The following ZBTB34 variants were observed in gnomAD, a reference collection of about 807,000 sequenced individuals.
The protein encoded by ZBTB34 is zinc finger and BTB domain containing 34.
In ZBTB34, 1 loss-of-function variant was observed where a neutral mutation model predicts 33.4. The ratio of observed to expected loss-of-function variants is 0.03; its 90% CI spans 0.01 to 0.14. The LOEUF (loss-of-function observed/expected upper bound fraction) is 0.14, where lower values mean the gene tolerates loss of function less well. ZBTB34 is among the 10% of genes least tolerant of loss of function. The pLI is 1.00. For synonymous variants in ZBTB34, 283 were observed against 253.5 expected (o/e 1.12, Z -1.11); for missense variants, 406 against 657.2 (o/e 0.62, Z 4.18).
intron 1 of ZBTB34, among the ~76,000 whole-genome samples, chr9:126,875,536 T>A (rs916276249): frequency 7.2e-5 from 11 of 152,158 alleles, no homozygotes; most frequent in Non-Finnish European, 1.6e-4. Context: ...TGTATTTTTC[T>A]TGTTGACCCT....
intron 1 of ZBTB34, among the ~76,000 whole-genome samples, chr9:126,872,584 G>A (rs763847518): frequency 2.0e-5 from 3 of 152,136 alleles, no homozygotes; most frequent in Non-Finnish European, 4.4e-5. Flanking sequence ...TACGTAAGAG[G>A]CTCTGACCTC....
intron 1 of ZBTB34, among the ~76,000 whole-genome samples, chr9:126,865,005 T>A (rs1215082648): frequency 1.3e-5 from 2 of 152,210 alleles, no homozygotes; most frequent in Non-Finnish European, 2.9e-5. Context: ...GGGTTTGGAA[T>A]CATGAGCATC....
chr9:126,871,669 G>A (rs1055208411), intron 1 of ZBTB34, among the ~76,000 whole-genome samples: 3 of 152,084 alleles, frequency 2.0e-5, no homozygotes, highest in Non-Finnish European at 4.4e-5. Context: ...AACAGTTTAT[G>A]CTGATAGATG....
chr9:126,870,359 T>A (rs1470264685), intron 1 of ZBTB34, among the ~76,000 whole-genome samples: 1 of 152,244 alleles, frequency 6.6e-6, no homozygotes, highest in Non-Finnish European at 1.5e-5. Flanking sequence ...GAATTCCCTT[T>A]GGTTTTCTGT....
At chr9:126,876,166 C>CCCCCCTTT in intron 1 of ZBTB34, among the ~76,000 whole-genome samples, 1 of 316 alleles carries the variant, frequency 3.2e-3, no homozygotes, top group African/African-American at 0.015. Flanking sequence ...TTCCGTCCTT[C>CCCCCCTTT]CCCCCTTCCC....
At chr9:126,875,531 T>C (rs1283749559) in intron 1 of ZBTB34, among the ~76,000 whole-genome samples, 2 of 152,250 alleles carry the variant, frequency 1.3e-5, no homozygotes, top group Non-Finnish European at 2.9e-5. Flanking sequence ...TGAGTTGTAT[T>C]TTTCTTGTTG....
exon 2 of ZBTB34, chr9:126,883,947 G>A (rs2119241715): frequency 6.0e-6 from 1 of 167,198 alleles, no homozygotes; most frequent in Middle Eastern, 3.4e-3. Context: ...TCTCCCTGAA[G>A]TTCACTTCAC....
intron 1 of ZBTB34, among the ~76,000 whole-genome samples, chr9:126,877,078 C>A (rs1003733451): frequency 1.6e-4 from 24 of 152,066 alleles, no homozygotes; most frequent in African/African-American, 5.3e-4. Flanking sequence ...CTTTTCTGAC[C>A]TCCTGAGTTC....
intron 1 of ZBTB34, among the ~76,000 whole-genome samples, chr9:126,871,180 GGGGT>G (rs763705622): frequency 0.058 from 3,998 of 68,818 alleles, 73 homozygotes; most frequent in South Asian, 0.083. Flanking sequence ...GTAAGTGAGG[GGGGT>G]GTGTGTGTGT....
chr9:126,866,642 T>G (rs1037854709), intron 1 of ZBTB34, among the ~76,000 whole-genome samples: 3 of 152,220 alleles, frequency 2.0e-5, no homozygotes, highest in Non-Finnish European at 4.4e-5. Context: ...GTATTGTTCC[T>G]TGTAGTTCTT....
intron 1 of ZBTB34, among the ~76,000 whole-genome samples, chr9:126,861,852 A>G (rs1294961430): frequency 1.3e-5 from 2 of 152,158 alleles, no homozygotes; most frequent in African/African-American, 2.4e-5. Flanking sequence ...CTGACTCCAG[A>G]GGTTCCCCCC....
chr9:126,880,203 G>A lies in ZBTB34; in HGVS notation c.804G>A (p.Gly268=), dbSNP rs2033416937. ...GGTACCACACCGAGATGGTTGATGG[G>A]GAACAAGTTGTGGCAGTGAATGTGG... The change falls in exon 2 of 2, where the codon GGG becomes GGA. Residue 268 remains glycine (G), a synonymous_variant. Coordinates refer to ENST00000319119, the Ensembl canonical transcript of ZBTB34. This position sits in a 1 kb window ranked among gnomAD's most constrained non-coding sequence, Gnocchi z 6.7. 1.2e-6 allele frequency: 2 copies of A among 1,613,810 alleles called. No individual in the cohort carries two copies. The highest frequency in any genetic ancestry group is 1.3e-5 in the African/African-American group (1 of 75,044).
intron 1 of ZBTB34, among the ~76,000 whole-genome samples, chr9:126,868,006 C>G (rs2033231276): frequency 6.6e-6 from 1 of 152,104 alleles, no homozygotes; most frequent in Non-Finnish European, 1.5e-5. Context: ...TTTACTAACT[C>G]AGTGAGGGTG....
intron 1 of ZBTB34, among the ~76,000 whole-genome samples, chr9:126,868,107 C>T (rs1393050248): frequency 3.9e-5 from 6 of 152,162 alleles, no homozygotes; most frequent in African/African-American, 7.2e-5. Context: ...TGGTCGCTTG[C>T]TCTTCCTGTT....
rs1487177496 is a variant in ZBTB34, at chr9:126,880,191, G to A, written c.792G>A (p.Glu264=). ...TGGGTGACGATGGGTACCACACCGAGATGGTTGATGGGGAACAAGTTGTGG... is the reference window on the plus strand; with the variant it reads ...TGGGTGACGATGGGTACCACACCGAAATGGTTGATGGGGAACAAGTTGTGG... Residue 264 remains glutamate, a synonymous_variant, in exon 2 of 2, where the codon GAG becomes GAA. Transcript: ENST00000319119. This position sits in a 1 kb window ranked among gnomAD's most constrained non-coding sequence, Gnocchi z 6.7. The A allele has an allele frequency of 6.2e-7, 1 of 1,613,892 alleles. No individual in the cohort carries two copies. Among genetic ancestry groups the A allele is most frequent in the Non-Finnish European group, 8.5e-7 (1 of 1,179,904 alleles).
intron 1 of ZBTB34, among the ~76,000 whole-genome samples, chr9:126,874,709 A>G (rs1333760796): frequency 6.6e-6 from 1 of 152,116 alleles, no homozygotes; most frequent in African/African-American, 2.4e-5. Flanking sequence ...CTGTGCACAC[A>G]CTTCCAGCAC....
intron 1 of ZBTB34, among the ~76,000 whole-genome samples, chr9:126,861,321 G>A (rs1356482549): frequency 6.6e-6 from 1 of 152,204 alleles, no homozygotes; most frequent in Non-Finnish European, 1.5e-5. Context: ...CATTGCGGAG[G>A]GCTGGGCTGG....
rs758367623 is a variant in ZBTB34 at position 126,879,456 on chromosome 9, C to T, written c.57C>T (p.Ser19=). 14 of 1,613,874 alleles carry T rather than the reference C, an allele frequency of 8.7e-6. No individual in the cohort carries two copies. In the Admixed American group the frequency reaches 2.2e-4, roughly 25 times the overall value. ...TTCAGTTTGATGTGCCCGAGTACAGCAGCACCGTTCTGAGCCAGCTAAACG... is the reference window on the plus strand; with the variant it reads ...TTCAGTTTGATGTGCCCGAGTACAGTAGCACCGTTCTGAGCCAGCTAAACG... The change falls in exon 2 of 2, where the codon AGC becomes AGT. Residue 19 remains serine, a synonymous_variant. Coordinates refer to ENST00000319119, the Ensembl canonical transcript of ZBTB34. This position sits in a 1 kb window ranked among gnomAD's most constrained non-coding sequence, Gnocchi z 6.4.
rs2033500270 is a variant in ZBTB34 at position 126,884,918 on chromosome 9, T to C, written c.*4004T>C. 1.8e-5 allele frequency: 3 copies of C among 167,126 alleles called. No homozygotes were observed. In the South Asian group the frequency reaches 6.2e-4, roughly 35 times the overall value. The allele number at this position is 167,126 out of a possible 1,614,324, so 10.4% of individuals were successfully genotyped here. A position where few individuals can be genotyped will look rare whatever the true frequency, so the allele number is the denominator to read the frequency against. ...GAAAGGGACTCAAATATGCAACACC[T>C]AAACTATTTTCCAAGGGCACATGCC... On this transcript the variant is annotated 3_prime_UTR_variant, in exon 2 of 2. Transcript: ENST00000319119.
Sources: gnomAD v4.1 joint callset for allele counts (sites outside exome capture counted in the v4.1 genomes callset) on GRCh38, gnomAD v4.1.1 for gene constraint, Gnocchi (gnomAD v3.1) non-coding constraint, MANE v1.5 for transcripts, NCBI Gene and HGNC (gene_info 2026-07-23, HGNC 2026-07-21) for gene names.